The following FOXN3 variants were observed in gnomAD, a reference collection of about 807,000 sequenced individuals.
The protein encoded by FOXN3 is forkhead box protein N3.
In FOXN3, 7 loss-of-function variants were observed where a neutral mutation model predicts 38.4. The ratio of observed to expected loss-of-function variants is 0.18; its 90% CI spans 0.10 to 0.34. FOXN3 has a LOEUF of 0.34. FOXN3 is among the 10% of genes least tolerant of loss of function. The probability of loss-of-function intolerance (pLI) is 1.00; values close to 1 mark genes in which losing one functional copy is unlikely to be tolerated. For missense variants in FOXN3, 456 were observed against 613.4 expected (o/e 0.74, Z 2.71); for synonymous variants, 230 against 242.2 (o/e 0.95, Z 0.47).
chr14:89,454,227 C>T (rs1892676012), intron 1 of FOXN3, among the ~76,000 whole-genome samples: 1 of 152,178 alleles, frequency 6.6e-6, no homozygotes, highest in Non-Finnish European at 1.5e-5. Flanking sequence ...TCGCTTGAAT[C>T]CAGGAGGCGG....
At chr14:89,326,165 C>T (rs761702209) in intron 3 of FOXN3, among the ~76,000 whole-genome samples, 5 of 152,176 alleles carry the variant, frequency 3.3e-5, no homozygotes, top group Non-Finnish European at 5.9e-5. Context: ...AAGAACAAAC[C>T]TACCATGTCC....
At chr14:89,336,610 T>C (rs1888469106) in intron 3 of FOXN3, among the ~76,000 whole-genome samples, 1 of 152,330 alleles carries the variant, frequency 6.6e-6, no homozygotes, top group African/African-American at 2.4e-5. Context: ...TATAGGCACG[T>C]GATAGCCTCT....
chr14:89,296,813 C>T (rs142658803), intron 3 of FOXN3, among the ~76,000 whole-genome samples: 8,901 of 152,154 alleles, frequency 0.058, 401 homozygotes, highest in Non-Finnish European at 0.081. Context: ...TTTTTGTATT[C>T]TTTAGTAGAG....
At chr14:89,236,257 T>C (rs989841091) in intron 4 of FOXN3, among the ~76,000 whole-genome samples, 4 of 152,168 alleles carry the variant, frequency 2.6e-5, no homozygotes, top group Non-Finnish European at 5.9e-5. Context: ...GGCTCATGCC[T>C]GTAATCCCAG....
At chr14:89,469,824 G>C (rs1893053792) in intron 1 of FOXN3, among the ~76,000 whole-genome samples, 1 of 152,346 alleles carries the variant, frequency 6.6e-6, no homozygotes, top group East Asian at 1.9e-4. Context: ...TAACACGCAG[G>C]ATCGTTCCAT....
intron 1 of FOXN3, among the ~76,000 whole-genome samples, chr14:89,490,912 AC>A (rs1162886923): frequency 6.6e-6 from 1 of 152,234 alleles, no homozygotes; most frequent in Non-Finnish European, 1.5e-5. Flanking sequence ...CTACAAAAGT[AC>A]ATACGTCATG....
chr14:89,360,367 A>T (rs1389431231), intron 2 of FOXN3, among the ~76,000 whole-genome samples: 1 of 134,518 alleles, frequency 7.4e-6, no homozygotes, highest in Non-Finnish European at 1.6e-5. Context: ...GGAGGGAGGG[A>T]GGGAGAAAGG....
chr14:89,185,177 T>C (rs1184625758), intron 4 of FOXN3, among the ~76,000 whole-genome samples: 1 of 152,196 alleles, frequency 6.6e-6, no homozygotes, highest in African/African-American at 2.4e-5. Flanking sequence ...GTCCTCATCA[T>C]TGGCAGTCTT....
At chr14:89,345,880 C>T (rs754568954) in intron 3 of FOXN3, among the ~76,000 whole-genome samples, 13 of 152,114 alleles carry the variant, frequency 8.5e-5, no homozygotes, top group African/African-American at 2.2e-4. Context: ...GGTGAAACCC[C>T]GTCTCTACTA....
rs55935162 is a variant in FOXN3 at position 89,528,376 on chromosome 14, C to CTTTTTTTTTTT, written c.-15+90641_-15+90651dup. Among the ~76,000 whole-genome samples, 46 of 53,576 alleles carry CTTTTTTTTTTT rather than the reference C, an allele frequency of 8.6e-4. 7 individuals are homozygous for CTTTTTTTTTTT. Among genetic ancestry groups the CTTTTTTTTTTT allele is most frequent in the Admixed American group, 1.4e-3 (4 of 2,938 alleles). 35.1% of individuals were successfully genotyped at this position (53,576 alleles called of 152,430 possible). A position where few individuals can be genotyped will look rare whatever the true frequency, so the allele number is the denominator to read the frequency against. ...TCATCCATACTCAACATGGATGAAT[C>CTTTTTTTTTTT]TTTTTTTTTTTTTTTTTTTTTTTTT... On this transcript the variant is annotated intron_variant, in intron 1 of 6. Coordinates refer to the FOXN3 transcript ENST00000345097.
chr14:89,182,858 A>G (rs1293983165), intron 4 of FOXN3, among the ~76,000 whole-genome samples: 1 of 152,218 alleles, frequency 6.6e-6, no homozygotes, highest in Non-Finnish European at 1.5e-5. Flanking sequence ...AAGGGTACTG[A>G]GATAATGCAA....
At chr14:89,250,704 CA>C (rs1290500872) in intron 4 of FOXN3, among the ~76,000 whole-genome samples, 1 of 152,208 alleles carries the variant, frequency 6.6e-6, no homozygotes, top group African/African-American at 2.4e-5. Context: ...TGTCCCCACA[CA>C]AATCTCGAAT....
At chr14:89,367,364 T>G (rs895842612) in intron 2 of FOXN3, among the ~76,000 whole-genome samples, 3 of 152,196 alleles carry the variant, frequency 2.0e-5, no homozygotes, top group Non-Finnish European at 4.4e-5. Flanking sequence ...TGCACCCTGA[T>G]GTGGCGGCAC....
In FOXN3 at chr14:89,162,995, G is replaced by C; in HGVS notation, c.852-26C>G. ...CTGCAGAGCGAGGACAGTGGGGAGGGACGGGAGACAAAGAAGGGACACAGT... is the reference window on the plus strand; with the variant it reads ...CTGCAGAGCGAGGACAGTGGGGAGGCACGGGAGACAAAGAAGGGACACAGT... On this transcript the variant is annotated intron_variant, in intron 5 of 5. Transcript: ENST00000557258. The surrounding 1 kb of genome is among the most constrained non-coding windows in gnomAD (Gnocchi z 7.2). 3.3e-6 allele frequency: 5 copies of C among 1,515,138 alleles called. No homozygotes were observed. Among genetic ancestry groups the C allele is most frequent in the Non-Finnish European group, 4.4e-6 (5 of 1,132,210 alleles). 93.9% of individuals were successfully genotyped at this position (1,515,138 alleles called of 1,614,324 possible). A position where few individuals can be genotyped will look rare whatever the true frequency, so the allele number is the denominator to read the frequency against.
chr14:89,446,323 G>A (rs1487338879), intron 1 of FOXN3, among the ~76,000 whole-genome samples: 1 of 150,972 alleles, frequency 6.6e-6, no homozygotes, highest in African/African-American at 2.4e-5. Context: ...CGAGTAGCTG[G>A]GATTACAGGC....
chr14:89,211,638 C>T (rs1392971639), intron 4 of FOXN3, among the ~76,000 whole-genome samples: 1 of 152,184 alleles, frequency 6.6e-6, no homozygotes, highest in Non-Finnish European at 1.5e-5. Flanking sequence ...GGGTCCATAG[C>T]TTTTATCCAA....
upstream of FOXN3, chr14:89,417,769 C>G (rs1454766132): frequency 2.2e-6 from 1 of 455,476 alleles, no homozygotes; most frequent in South Asian, 1.6e-5. Context: ...TCCGAGCCCT[C>G]TCCCAGCGAC....
chr14:89,399,220 A>G (rs540820282), intron 2 of FOXN3, among the ~76,000 whole-genome samples: 55 of 152,326 alleles, frequency 3.6e-4, no homozygotes, highest in Non-Finnish European at 5.7e-4. Flanking sequence ...CAAGGCGCAG[A>G]GATGATGGTG....
chr14:89,366,187 A>C (rs1245920700), intron 2 of FOXN3, among the ~76,000 whole-genome samples: 1 of 151,418 alleles, frequency 6.6e-6, no homozygotes, highest in Non-Finnish European at 1.5e-5. Flanking sequence ...CGGGAGGCGG[A>C]GTTTGCAGTG....
Sources: allele counts gnomAD v4.1 joint callset (sites outside exome capture counted in the v4.1 genomes callset), GRCh38; gene constraint gnomAD v4.1.1; non-coding constraint Gnocchi (gnomAD v3.1); transcripts MANE v1.5; gene names NCBI Gene and HGNC (gene_info 2026-07-23, HGNC 2026-07-21).